HMGXB4: variants seen among roughly 807,000 people sequenced by gnomAD.
HMGXB4 encodes the protein HMG-box containing 4, also known as HMG domain-containing protein 4.
Under a neutral mutation model 63.9 loss-of-function variants are expected in HMGXB4, and 27 were observed. That is an observed-to-expected ratio of 0.42 (90% CI 0.31 to 0.58). The LOEUF (loss-of-function observed/expected upper bound fraction) is 0.58. Ranked by LOEUF, HMGXB4 falls within the 20% of genes least tolerant of loss-of-function variation. The pLI is 0.13. For synonymous variants in HMGXB4, 264 were observed against 265.3 expected (o/e 0.99, Z 0.05); for missense variants, 624 against 700.7 (o/e 0.89, Z 1.24).
the HMGXB4 span, among the ~76,000 whole-genome samples, chr22:35,251,644 G>C: frequency 1.3e-5 from 2 of 152,200 alleles, no homozygotes; most frequent in Non-Finnish European, 2.9e-5. Flanking sequence ...AAAATAAGAT[G>C]ACTTGAAGAG....
At chr22:35,285,539 C>T (rs781099402) in intron 6 of HMGXB4, among the ~76,000 whole-genome samples, 12 of 151,662 alleles carry the variant, frequency 7.9e-5, no homozygotes, top group Admixed American at 3.3e-4. Context: ...AGCGAGACTC[C>T]GTCTCAAAAA....
At chr22:35,249,059 T>G in the HMGXB4 span, among the ~76,000 whole-genome samples, 1 of 152,136 alleles carries the variant, frequency 6.6e-6, no homozygotes, top group Non-Finnish European at 1.5e-5. Context: ...TTTTTATAAT[T>G]TTCTTTTCTT....
upstream of HMGXB4, among the ~76,000 whole-genome samples, chr22:35,252,697 G>C (rs1486928991): frequency 6.6e-6 from 1 of 152,172 alleles, no homozygotes; most frequent in East Asian, 1.9e-4. Flanking sequence ...GGAGTGTGGG[G>C]GACCCATTAG....
At chr22:35,274,795 A>G (rs1021373608) in intron 5 of HMGXB4, among the ~76,000 whole-genome samples, 6 of 152,234 alleles carry the variant, frequency 3.9e-5, no homozygotes, top group Non-Finnish European at 8.8e-5. Context: ...TTAAAATAAA[A>G]ACTTTGGTGT....
At chr22:35,242,052 G>T in the HMGXB4 span, among the ~76,000 whole-genome samples, 3 of 151,978 alleles carry the variant, frequency 2.0e-5, no homozygotes, top group East Asian at 3.8e-4. Context: ...TTTTGCTCTC[G>T]GGGTAATACT....
intron 10 of HMGXB4, among the ~76,000 whole-genome samples, 182 bp from the exon 11 acceptor site, chr22:35,293,425 G>A (rs143249373): frequency 3.1e-4 from 47 of 152,252 alleles, no homozygotes; most frequent in African/African-American, 1.1e-3. Flanking sequence ...TTTTTACGAG[G>A]ATTAATGGGA....
intron 5 of HMGXB4, among the ~76,000 whole-genome samples, chr22:35,268,637 T>C (rs985603829): frequency 2.4e-4 from 36 of 152,232 alleles, no homozygotes; most frequent in African/African-American, 8.4e-4. Flanking sequence ...CCCTAGTGTA[T>C]AACCTGCCAT....
chr22:35,264,671 C>T lies in HMGXB4; in HGVS notation c.283C>T (p.Gln95Ter). The change falls in exon 5 of 11, where the codon CAG (glutamine) becomes TAG (stop). Residue 95 changes from glutamine (Q) to a stop codon, truncating the protein, a stop_gained. Coordinates refer to ENST00000216106, the MANE Select transcript of HMGXB4 (RefSeq NM_001003681.3). LOFTEE classifies it high-confidence loss of function. Reference protein sequence around the residue: ...YGDISSLESSQKKKKKSSPQS... With the variant: ...YGDISSLESS ...AGATATTTCGTCTTTGGAATCGTCA[C>T]AGAAGAAAAAGAAAAAGTCCAGCCC... 1 of 1,576,384 alleles carries T rather than the reference C, an allele frequency of 6.3e-7. No individual in the cohort carries two copies. Among genetic ancestry groups the T allele is most frequent in the Non-Finnish European group, 8.6e-7 (1 of 1,164,948 alleles).
At chr22:35,284,963 C>T (rs1173859746) in intron 6 of HMGXB4, among the ~76,000 whole-genome samples, 1 of 152,244 alleles carries the variant, frequency 6.6e-6, no homozygotes, top group Non-Finnish European at 1.5e-5. Flanking sequence ...TAAGATTACA[C>T]ATCTAGAGGA....
intron 1 of HMGXB4, chr22:35,261,833 A>G (rs1922879392): frequency 6.5e-6 from 1 of 154,232 alleles, no homozygotes; most frequent in African/African-American, 2.4e-5. Context: ...TATACAGTTA[A>G]TCATTTCTGT....
At chr22:35,256,941 A>T (rs1349348660), upstream of HMGXB4, among the ~76,000 whole-genome samples, 1 of 152,150 alleles carries the variant, frequency 6.6e-6, no homozygotes, top group African/African-American at 2.4e-5. Flanking sequence ...GTTTCTAACT[A>T]AAAAATGTAG....
At chr22:35,282,267 C>T (rs1279344516) in intron 5 of HMGXB4, among the ~76,000 whole-genome samples, 1 of 152,230 alleles carries the variant, frequency 6.6e-6, no homozygotes, top group African/African-American at 2.4e-5. Flanking sequence ...AGCTCCACCT[C>T]CCGGGTTCAC....
chr22:35,255,397 C>A (rs1432573527), upstream of HMGXB4, among the ~76,000 whole-genome samples: 1 of 152,142 alleles, frequency 6.6e-6, no homozygotes, highest in African/African-American at 2.4e-5. Context: ...CACCTGTGGT[C>A]CCAGCTACTT....
Position 35,265,436 on chromosome 22 carries a change from G to C in HMGXB4, c.1048G>C (p.Ala350Pro), listed in dbSNP as rs1170552242. The C allele has an allele frequency of 6.2e-7, 1 of 1,614,158 alleles. No homozygotes were observed. The highest frequency in any genetic ancestry group is 2.2e-5 in the East Asian group (1 of 44,890). The change falls in exon 5 of 11, where the codon GCC becomes CCC. Residue 350 changes from alanine (A) to proline (P), a missense_variant. Transcript: ENST00000216106. ...SKSKRSLGLS[A>P]VPVGEVTVTS... is the part of the protein sequence containing the mutation. ...GTCCAAGAGAAGTTTAGGACTTTCT[G>C]CCGTGCCAGTGGGAGAGGTCACAGT...
the HMGXB4 span, among the ~76,000 whole-genome samples, chr22:35,244,316 C>T: frequency 5.0e-5 from 7 of 140,392 alleles, no homozygotes; most frequent in African/African-American, 1.1e-4. Flanking sequence ...TTTTTTGAGA[C>T]GGAGTCTTGC....
Position 35,295,717 on chromosome 22 carries a change from T to G in HMGXB4, c.*2066T>G, listed in dbSNP as rs1282434157. Reference sequence around the variant, plus strand: ...GTTTTATTTTGTTTTTTAAATAAATTCTAGTGGTTTGATCCAAATCCCATT... The same window carrying G: ...GTTTTATTTTGTTTTTTAAATAAATGCTAGTGGTTTGATCCAAATCCCATT... On this transcript the variant is annotated 3_prime_UTR_variant, in exon 11 of 11. Transcript: ENST00000216106. 1.3e-5 allele frequency: 2 copies of G among 152,658 alleles called. No individual in the cohort carries two copies. Among genetic ancestry groups the G allele is most frequent in the Non-Finnish European group, 2.9e-5 (2 of 68,042 alleles). 9.5% of individuals were successfully genotyped at this position (152,658 alleles called of 1,614,324 possible). A position where few individuals can be genotyped will look rare whatever the true frequency, so the allele number is the denominator to read the frequency against.
intron 8 of HMGXB4, among the ~76,000 whole-genome samples, chr22:35,287,734 A>G (rs1242757636): frequency 1.3e-5 from 2 of 152,148 alleles, no homozygotes; most frequent in East Asian, 3.8e-4. Context: ...GGATCACCTG[A>G]GGTCAGGAGT....
the HMGXB4 span, among the ~76,000 whole-genome samples, chr22:35,252,349 C>T: frequency 6.6e-6 from 1 of 152,236 alleles, no homozygotes; most frequent in African/African-American, 2.4e-5. Context: ...CGAAACTTTA[C>T]ACCCACTGGA....
At chr22:35,246,532 C>A in the HMGXB4 span, among the ~76,000 whole-genome samples, 1 of 152,178 alleles carries the variant, frequency 6.6e-6, no homozygotes, top group Non-Finnish European at 1.5e-5. Flanking sequence ...CTCGGCCTCC[C>A]AAAGTGCTGG....
Sources: gnomAD v4.1 joint callset for allele counts (sites outside exome capture counted in the v4.1 genomes callset) on GRCh38, gnomAD v4.1.1 for gene constraint, MANE v1.5 for transcripts, NCBI Gene and HGNC (gene_info 2026-07-23, HGNC 2026-07-21) for gene names.